Variants in SIK2 observed in about 807,000 individuals in gnomAD.
The protein encoded by SIK2 is salt inducible kinase 2.
SIK2 carries 29 observed loss-of-function variants against 103.2 expected under a neutral mutation model. The ratio of observed to expected loss-of-function variants is 0.28; its 90% CI spans 0.21 to 0.38. The LOEUF (loss-of-function observed/expected upper bound fraction) is 0.38. SIK2 is among the 10% of genes least tolerant of loss of function. SIK2 has a pLI of 1.00. For missense variants in SIK2, 879 were observed against 1,171.0 expected (o/e 0.75, Z 3.64); for synonymous variants, 412 against 446.1 (o/e 0.92, Z 0.96).
chr11:111,695,182 G>A (rs1943041733), intron 4 of SIK2, among the ~76,000 whole-genome samples: 1 of 152,180 alleles, frequency 6.6e-6, no homozygotes, highest in African/African-American at 2.4e-5. Context: ...CAAAGGATGT[G>A]TAACTCTTCA....
At chr11:111,692,405 G>A (rs1470125548) in intron 4 of SIK2, among the ~76,000 whole-genome samples, 1 of 138,544 alleles carries the variant, frequency 7.2e-6, no homozygotes, top group Non-Finnish European at 1.5e-5. Context: ...AAGGAGAGAG[G>A]GAGAGAGAGA....
chr11:111,637,494 C>T (rs1470066129), intron 3 of SIK2, among the ~76,000 whole-genome samples: 10 of 143,986 alleles, frequency 6.9e-5, no homozygotes, highest in African/African-American at 2.6e-4. Flanking sequence ...GAGTCTCCCT[C>T]GGTCACCCAG....
intron 3 of SIK2, among the ~76,000 whole-genome samples, chr11:111,633,721 A>T (rs1942068526): frequency 6.6e-6 from 1 of 152,174 alleles, no homozygotes; most frequent in South Asian, 2.1e-4. Flanking sequence ...TTCAGAATAT[A>T]ATGGTAAATA....
chr11:111,628,097 A>G lies in SIK2; in HGVS notation c.316+7695A>G, dbSNP rs118102509. 6.7e-3 allele frequency among the ~76,000 whole-genome samples: 1,015 copies of G among 152,282 alleles called. 9 individuals carry two copies. Among genetic ancestry groups the G allele is most frequent in the Middle Eastern group, 0.061 (18 of 294 alleles). ...AAAATCCAAACTCCTCAGTTTGCAA[A>G]TAGGGTAGCTGCCCTAAGTGAATGG... On this transcript the variant is annotated intron_variant, in intron 3 of 14. Transcript: ENST00000304987.
At position 111,626,680 on chromosome 11, in the gene SIK2, T is replaced by G. The variant is rs112357362; in HGVS notation, c.316+6278T>G. Among the ~76,000 whole-genome samples the G allele has an allele frequency of 6.2e-3, 929 of 149,578 alleles. 9 individuals carry two copies. Among genetic ancestry groups the G allele is most frequent in the African/African-American group, 0.021 (867 of 40,818 alleles). ...GTAATCATGTTGCTTTTATTTATTT[T>G]CTGAGTTTTCTAGTAATGACCATTA... is the stretch of plus-strand genomic sequence containing the variant. On this transcript the variant is annotated intron_variant, in intron 3 of 14. Transcript: ENST00000304987.
chr11:111,652,150 T>C (rs1942334775), intron 3 of SIK2, among the ~76,000 whole-genome samples: 2 of 152,224 alleles, frequency 1.3e-5, no homozygotes, highest in Non-Finnish European at 1.5e-5. Flanking sequence ...ATTACATATA[T>C]ACATACATAT....
intron 1 of SIK2, among the ~76,000 whole-genome samples, chr11:111,614,199 A>C (rs1343651495): frequency 6.6e-6 from 1 of 151,236 alleles, no homozygotes. Context: ...CTCCTGCCTC[A>C]GTCTCCCAGG....
At chr11:111,629,763 G>A (rs1942012776) in intron 3 of SIK2, among the ~76,000 whole-genome samples, 2 of 152,044 alleles carry the variant, frequency 1.3e-5, no homozygotes, top group Admixed American at 1.3e-4. Context: ...AAAAACCACA[G>A]GGAGATATCA....
chr11:111,617,198 A>G (rs1223931049), intron 2 of SIK2, among the ~76,000 whole-genome samples: 2 of 152,024 alleles, frequency 1.3e-5, no homozygotes, highest in Admixed American at 6.6e-5. Context: ...CAATTTTGTT[A>G]CCTGGCTATA....
In SIK2 at chr11:111,711,285, A is replaced by AT. The variant is rs3833763; in HGVS notation, c.1102-917dup. 1.1e-3 allele frequency among the ~76,000 whole-genome samples: 168 copies of AT among 150,884 alleles called. 1 individual carries two copies. The East Asian group carries it at 0.026, about 23-fold the overall frequency. ...AGGCACCCGCCACCACACCCAGCTAATTTTTTTTTGTATTTTTAGTAGAGA... is the reference window on the plus strand; with the variant it reads ...AGGCACCCGCCACCACACCCAGCTAATTTTTTTTTTGTATTTTTAGTAGAGA... On this transcript the variant is annotated intron_variant, in intron 8 of 14. Coordinates refer to ENST00000304987, the MANE Select transcript of SIK2 (RefSeq NM_015191.3).
intron 3 of SIK2, among the ~76,000 whole-genome samples, chr11:111,647,562 GA>G (rs11307756): frequency 0.81 from 50,899 of 62,960 alleles, 20,565 homozygotes; most frequent in South Asian, 0.93. Flanking sequence ...CCCCCATCTC[GA>G]AAAAAAAAAA....
intron 1 of SIK2, among the ~76,000 whole-genome samples, chr11:111,615,571 G>A (rs1752749950): frequency 6.6e-6 from 1 of 152,060 alleles, no homozygotes; most frequent in Admixed American, 6.6e-5. Flanking sequence ...ACCTTCATAT[G>A]TAATCCCTTC....
intron 3 of SIK2, among the ~76,000 whole-genome samples, chr11:111,669,075 G>A (rs140113378): frequency 1.4e-3 from 213 of 152,318 alleles, no homozygotes; most frequent in East Asian, 7.9e-3. Flanking sequence ...AGAAGGAAAT[G>A]TATAAAATGA....
At chr11:111,676,263 T>C (rs1418840479) in intron 3 of SIK2, among the ~76,000 whole-genome samples, 2 of 152,228 alleles carry the variant, frequency 1.3e-5, no homozygotes, top group African/African-American at 4.8e-5. Context: ...TTACATTCCT[T>C]TGGGCATATA....
intron 3 of SIK2, among the ~76,000 whole-genome samples, chr11:111,657,301 A>T (rs1025273694): frequency 3.3e-5 from 5 of 152,138 alleles, no homozygotes; most frequent in African/African-American, 1.2e-4. Flanking sequence ...CTGGTTTTGT[A>T]GTCTTTGAGG....
chr11:111,606,015 A>C (rs1028415457), intron 1 of SIK2, among the ~76,000 whole-genome samples: 1 of 152,224 alleles, frequency 6.6e-6, no homozygotes, highest in South Asian at 2.1e-4. Flanking sequence ...TAAAATTAGC[A>C]TAATGGGAAA....
intron 3 of SIK2, among the ~76,000 whole-genome samples, chr11:111,621,474 C>G (rs1941884927): frequency 7.3e-6 from 1 of 137,440 alleles, no homozygotes; most frequent in Non-Finnish European, 1.6e-5. Flanking sequence ...TATGAATATA[C>G]CCCAGTTTGC....
At chr11:111,628,574 T>A (rs1941997138) in intron 3 of SIK2, among the ~76,000 whole-genome samples, 1 of 151,794 alleles carries the variant, frequency 6.6e-6, no homozygotes. Flanking sequence ...TACAAGTGTG[T>A]GCCACCATGC....
chr11:111,639,029 G>A (rs1272750255), intron 3 of SIK2, among the ~76,000 whole-genome samples: 1 of 152,156 alleles, frequency 6.6e-6, no homozygotes, highest in Non-Finnish European at 1.5e-5. Flanking sequence ...TTTTGTTAGT[G>A]TTGGGGTTGC....
Sources: allele counts gnomAD v4.1 joint callset (sites outside exome capture counted in the v4.1 genomes callset), GRCh38; gene constraint gnomAD v4.1.1; transcripts MANE v1.5; gene names NCBI Gene and HGNC (gene_info 2026-07-23, HGNC 2026-07-21).